The following PDE6D variants were observed in gnomAD, a reference collection of about 807,000 sequenced individuals.
PDE6D encodes phosphodiesterase 6D.
Under a neutral mutation model 21.9 loss-of-function variants are expected in PDE6D, and 10 were observed. The observed-to-expected ratio is 0.46, with a 90% confidence interval of 0.28 to 0.78. The LOEUF (loss-of-function observed/expected upper bound fraction) is 0.78, where lower values mean the gene tolerates loss of function less well. PDE6D is among the 30% of genes least tolerant of loss of function. PDE6D has a pLI of 0.12. For synonymous variants in PDE6D, 59 were observed against 63.5 expected (o/e 0.93, Z 0.34); for missense variants, 139 against 184.8 (o/e 0.75, Z 1.44).
chr2:231,764,941 G>A (rs566237670), intron 1 of PDE6D, among the ~76,000 whole-genome samples: 111 of 152,124 alleles, frequency 7.3e-4, no homozygotes, highest in Non-Finnish European at 1.3e-3. Flanking sequence ...CACAAGCGAT[G>A]CTTTCAGGGT....
At chr2:231,749,222 G>A (rs1458245846) in intron 1 of PDE6D, among the ~76,000 whole-genome samples, 6 of 152,208 alleles carry the variant, frequency 3.9e-5, no homozygotes. Flanking sequence ...AGCTGCCCAA[G>A]ACCATGAGAA....
At chr2:231,765,478 G>A (rs1213655497) in intron 1 of PDE6D, among the ~76,000 whole-genome samples, 1 of 152,190 alleles carries the variant, frequency 6.6e-6, no homozygotes, top group East Asian at 1.9e-4. Context: ...TTCATGACTT[G>A]ACAGAGTACT....
chr2:231,772,787 G>A lies in PDE6D; in HGVS notation c.50+8278C>T, dbSNP rs183987537. ...TGGAATTCTCCATGACAGTTTTACC[G>A]TGTTCTGTCCCATTTCTCCAGAAGT... On this transcript the variant is annotated intron_variant, in intron 1 of 4. Transcript: ENST00000287600. 3.9e-5 allele frequency among the ~76,000 whole-genome samples: 6 copies of A among 152,246 alleles called. No individual in the cohort carries two copies. In the East Asian group the frequency reaches 7.7e-4, roughly 20 times the overall value.
chr2:231,756,801 A>G (rs930366796), intron 1 of PDE6D, among the ~76,000 whole-genome samples: 1 of 151,748 alleles, frequency 6.6e-6, no homozygotes, highest in African/African-American at 2.4e-5. Context: ...TTGCAATCCA[A>G]ACATCATTAA....
At chr2:231,778,659 G>A (rs2049076057) in intron 1 of PDE6D, 1 of 152,232 alleles carries the variant, frequency 6.6e-6, no homozygotes, top group South Asian at 2.1e-4. Context: ...GAAAATTGAG[G>A]TGAGGTTAAA....
chr2:231,750,095 G>A (rs779075955), intron 1 of PDE6D, among the ~76,000 whole-genome samples: 2 of 152,160 alleles, frequency 1.3e-5, no homozygotes, highest in Admixed American at 1.3e-4. Flanking sequence ...TGCTATTCTT[G>A]TGATAAGTCT....
At chr2:231,756,309 T>C (rs780645886) in intron 1 of PDE6D, among the ~76,000 whole-genome samples, 4 of 152,184 alleles carry the variant, frequency 2.6e-5, no homozygotes, top group South Asian at 4.1e-4. Context: ...TCATATACCA[T>C]TGAAGTTTTC....
At chr2:231,743,285 G>A (rs1227447664) in intron 1 of PDE6D, among the ~76,000 whole-genome samples, 3 of 151,960 alleles carry the variant, frequency 2.0e-5, no homozygotes, top group African/African-American at 7.3e-5. Flanking sequence ...TTAGCTGGGC[G>A]TGGTGGTGTG....
intron 4 of PDE6D, among the ~76,000 whole-genome samples, chr2:231,736,673 A>G (rs1191673671): frequency 6.6e-6 from 1 of 152,218 alleles, no homozygotes; most frequent in East Asian, 1.9e-4. Flanking sequence ...TCGAAAACAG[A>G]ATTATTAATA....
chr2:231,745,313 ACAT>A (rs1243139498), intron 1 of PDE6D, among the ~76,000 whole-genome samples: 12 of 152,218 alleles, frequency 7.9e-5, no homozygotes, highest in Non-Finnish European at 1.5e-5. Context: ...CTGGCTAAAA[ACAT>A]ATTTGTTTTA....
At chr2:231,752,075 T>C (rs1005713406) in intron 1 of PDE6D, among the ~76,000 whole-genome samples, 2 of 152,244 alleles carry the variant, frequency 1.3e-5, no homozygotes, top group African/African-American at 4.8e-5. Flanking sequence ...GACTGTGCTC[T>C]GATACCTAAA....
rs34007857 is a variant in PDE6D at position 231,750,481 on chromosome 2, C to CT, written c.51-11294dup. 7.1e-3 allele frequency among the ~76,000 whole-genome samples: 942 copies of CT among 133,536 alleles called. 11 individuals are homozygous for CT. The highest frequency in any genetic ancestry group is 0.02 in the African/African-American group (724 of 35,848). 87.6% of individuals were successfully genotyped at this position (133,536 alleles called of 152,430 possible). On this transcript the variant is annotated intron_variant, in intron 1 of 4. Coordinates refer to ENST00000287600, the MANE Select transcript of PDE6D (RefSeq NM_002601.4). Reference sequence around the variant, plus strand: ...ATATATGTCTATTTCATCCATATCACTTTTTTTTTTTTTTTTTTTTAGACA... The same window carrying CT: ...ATATATGTCTATTTCATCCATATCACTTTTTTTTTTTTTTTTTTTTTAGACA...
chr2:231,777,049 C>T (rs1298454790), intron 1 of PDE6D, among the ~76,000 whole-genome samples: 2 of 151,996 alleles, frequency 1.3e-5, no homozygotes, highest in Non-Finnish European at 2.9e-5. Flanking sequence ...ATGTGTTGTC[C>T]AAACTGGCAA....
chr2:231,761,496 C>G (rs1377061778), intron 1 of PDE6D, among the ~76,000 whole-genome samples: 1 of 152,148 alleles, frequency 6.6e-6, no homozygotes, highest in Non-Finnish European at 1.5e-5. Context: ...TAATTCTTAA[C>G]CTGTGGTTCA....
chr2:231,769,209 T>C (rs1175480074), intron 1 of PDE6D, among the ~76,000 whole-genome samples: 1 of 152,204 alleles, frequency 6.6e-6, no homozygotes, highest in Non-Finnish European at 1.5e-5. Context: ...GCAGATGATA[T>C]GCCACGTACA....
At chr2:231,759,566 T>G (rs2106277693) in intron 1 of PDE6D, among the ~76,000 whole-genome samples, 1 of 152,248 alleles carries the variant, frequency 6.6e-6, no homozygotes, top group African/African-American at 2.4e-5. Context: ...GCTACAGTGC[T>G]GGAAAGGGAT....
At chr2:231,761,947 CTT>C (rs2048933357) in intron 1 of PDE6D, among the ~76,000 whole-genome samples, 2 of 152,134 alleles carry the variant, frequency 1.3e-5, no homozygotes, top group Admixed American at 1.3e-4. Flanking sequence ...TCCTGGGTAT[CTT>C]TGTGACGACA....
intron 1 of PDE6D, among the ~76,000 whole-genome samples, chr2:231,775,626 A>G (rs1344480027): frequency 2.0e-5 from 3 of 151,954 alleles, no homozygotes; most frequent in Non-Finnish European, 4.4e-5. Flanking sequence ...CCCGGAAGAT[A>G]GTCTATTATT....
intron 1 of PDE6D, among the ~76,000 whole-genome samples, chr2:231,746,290 C>G (rs892699478): frequency 6.6e-6 from 1 of 151,962 alleles, no homozygotes; most frequent in Non-Finnish European, 1.5e-5. Flanking sequence ...TACATGTGCC[C>G]GCCCCCATGT....
Sources: allele counts gnomAD v4.1 joint callset (sites outside exome capture counted in the v4.1 genomes callset), GRCh38; gene constraint gnomAD v4.1.1; transcripts MANE v1.5; gene names NCBI Gene and HGNC (gene_info 2026-07-23, HGNC 2026-07-21).